NRXN3: variants seen among roughly 807,000 people sequenced by gnomAD.
NRXN3 encodes the protein neurexin III.
Under a neutral mutation model 137.6 loss-of-function variants are expected in NRXN3, and 32 were observed. The observed-to-expected ratio is 0.23, with a 90% CI of 0.18 to 0.31. The LOEUF (loss-of-function observed/expected upper bound fraction) is 0.31. Ranked by LOEUF, NRXN3 falls within the 10% of genes least tolerant of loss-of-function variation. NRXN3 has a pLI of 1.00. For missense variants in NRXN3, 1,574 were observed against 2,062.5 expected, an observed-to-expected ratio of 0.76 and a Z score of 4.59; for synonymous variants, 798 against 784.5, an observed-to-expected ratio of 1.02 and a Z score of -0.29.
At chr14:79,813,807 T>C (rs981541409) in intron 20 of NRXN3, among the ~76,000 whole-genome samples, 2 of 152,028 alleles carry the variant, frequency 1.3e-5, no homozygotes, top group African/African-American at 4.8e-5. Flanking sequence ...TTTATGACAA[T>C]GTAATTAATT....
chr14:79,101,937 A>C (rs1338722417), intron 15 of NRXN3, among the ~76,000 whole-genome samples: 1 of 152,130 alleles, frequency 6.6e-6, no homozygotes, highest in African/African-American at 2.4e-5. Context: ...GGACACACAC[A>C]GGGAAAAATG....
chr14:79,691,925 C>A (rs1435600170), intron 17 of NRXN3, among the ~76,000 whole-genome samples: 2 of 151,976 alleles, frequency 1.3e-5, no homozygotes, highest in Non-Finnish European at 2.9e-5. Context: ...CCGTAAACGG[C>A]CAGACCTCTT....
chr14:78,571,912 A>G (rs1041393075), intron 4 of NRXN3, among the ~76,000 whole-genome samples: 4 of 152,026 alleles, frequency 2.6e-5, no homozygotes, highest in Non-Finnish European at 5.9e-5. Flanking sequence ...AAGGGTTCAC[A>G]ACTAAATGCT....
chr14:79,344,893 A>G (rs1432232202), intron 15 of NRXN3, among the ~76,000 whole-genome samples: 1 of 152,164 alleles, frequency 6.6e-6, no homozygotes, highest in African/African-American at 2.4e-5. Context: ...CTGTGCTAAG[A>G]TTTTTATGGC....
intron 15 of NRXN3, among the ~76,000 whole-genome samples, chr14:79,044,632 A>G (rs2099630125): frequency 6.6e-6 from 1 of 152,124 alleles, no homozygotes; most frequent in Non-Finnish European, 1.5e-5. Flanking sequence ...TAATTAAGCC[A>G]GTGTTTACAT....
intron 20 of NRXN3, among the ~76,000 whole-genome samples, chr14:79,834,270 T>G: frequency 7.8e-6 from 1 of 128,428 alleles, no homozygotes; most frequent in East Asian, 2.4e-4. Flanking sequence ...TTACAAATGC[T>G]GGATTCCACC....
At chr14:78,476,131 T>C (rs187781624) in intron 4 of NRXN3, among the ~76,000 whole-genome samples, 3 of 152,344 alleles carry the variant, frequency 2.0e-5, no homozygotes, top group Non-Finnish European at 4.4e-5. Context: ...ACTGAGTGCT[T>C]ACTATGTGTC....
rs144978154 is a variant in NRXN3 at position 79,804,516 on chromosome 14, C to T, written c.4015-596C>T. On this transcript the variant is annotated intron_variant, in intron 19 of 20. Coordinates refer to ENST00000335750, the MANE Select transcript of NRXN3 (RefSeq NM_001330195.2). The stretch of plus-strand genomic sequence containing the variant: ...GTGTTCAGGGACTATTGTGTGGTAT[C>T]ATGCTACTGGTCTACATTACCAATT... Among the ~76,000 whole-genome samples, 9 of 152,268 alleles carry T rather than the reference C, an allele frequency of 5.9e-5. No homozygotes were observed. In the East Asian group the frequency reaches 1.5e-3, roughly 26 times the overall value.
chr14:79,063,025 G>A (rs1290671689), intron 15 of NRXN3, among the ~76,000 whole-genome samples: 1 of 152,126 alleles, frequency 6.6e-6, no homozygotes, highest in Non-Finnish European at 1.5e-5. Flanking sequence ...GTGAATGTTA[G>A]CAGTTTATCT....
intron 15 of NRXN3, among the ~76,000 whole-genome samples, chr14:79,306,086 A>ATCTTCT (rs2086010034): frequency 6.6e-6 from 1 of 152,098 alleles, no homozygotes; most frequent in Non-Finnish European, 1.5e-5. Flanking sequence ...GTTGACCGTA[A>ATCTTCT]GTTCTTCTCT....
At chr14:78,575,587 G>T (rs1452263699) in intron 4 of NRXN3, among the ~76,000 whole-genome samples, 2 of 152,148 alleles carry the variant, frequency 1.3e-5, no homozygotes, top group African/African-American at 4.8e-5. Context: ...ATTATTTTAG[G>T]TGCTAGGAAA....
intron 2 of NRXN3, among the ~76,000 whole-genome samples, chr14:78,262,276 G>A (rs1453351059): frequency 6.6e-6 from 1 of 152,154 alleles, no homozygotes; most frequent in Non-Finnish European, 1.5e-5. Context: ...AGACGGATGG[G>A]TGGAGGACTG....
intron 1 of NRXN3, among the ~76,000 whole-genome samples, chr14:78,192,898 A>C (rs1197051030): frequency 6.6e-6 from 1 of 152,144 alleles, no homozygotes; most frequent in East Asian, 1.9e-4. Context: ...TTCTCAACCT[A>C]CCCAACGCCT....
intron 15 of NRXN3, among the ~76,000 whole-genome samples, chr14:78,999,896 C>G (rs1194113020): frequency 6.6e-6 from 1 of 152,128 alleles, no homozygotes; most frequent in Non-Finnish European, 1.5e-5. Context: ...CTCTAGTGAT[C>G]GAGTGAGATA....
At position 78,807,815 on chromosome 14, in the gene NRXN3, TAAAAC is replaced by T. The variant is rs1388646480; in HGVS notation, c.2249-2493_2249-2489del. ...AAACTTTCTATCATTTACCATAATT[TAAAAC>T]AAAACAAAATTAAAACAGGCAACAC... On this transcript the variant is annotated intron_variant, in intron 9 of 20. Transcript: ENST00000335750. 5.3e-5 allele frequency among the ~76,000 whole-genome samples: 8 copies of T among 149,768 alleles called. No individual in the cohort carries two copies. The South Asian group carries it at 1.3e-3, about 24-fold the overall frequency.
intron 15 of NRXN3, among the ~76,000 whole-genome samples, chr14:79,040,749 A>G (rs1158991096): frequency 6.6e-6 from 1 of 152,136 alleles, no homozygotes; most frequent in Non-Finnish European, 1.5e-5. Flanking sequence ...TGGGTGTCTC[A>G]TGTGCATAAG....
At chr14:79,278,265 T>C (rs1451629630) in intron 15 of NRXN3, among the ~76,000 whole-genome samples, 2 of 152,148 alleles carry the variant, frequency 1.3e-5, no homozygotes, top group Non-Finnish European at 2.9e-5. Context: ...GAGTCAAAGC[T>C]AGCAAGACCT....
intron 4 of NRXN3, among the ~76,000 whole-genome samples, chr14:78,620,310 T>A (rs1159595602): frequency 6.6e-6 from 1 of 152,210 alleles, no homozygotes; most frequent in Non-Finnish European, 1.5e-5. Flanking sequence ...CTTTATGTAA[T>A]ATTTGGATAG....
chr14:79,788,766 T>C (rs1603502244), intron 19 of NRXN3, among the ~76,000 whole-genome samples: 1 of 152,166 alleles, frequency 6.6e-6, no homozygotes, highest in Non-Finnish European at 1.5e-5. Flanking sequence ...GTACTTTCAG[T>C]GTGATTCCAA....
Sources: gnomAD v4.1 joint callset for allele counts (sites outside exome capture counted in the v4.1 genomes callset) on GRCh38, gnomAD v4.1.1 for gene constraint, MANE v1.5 for transcripts, NCBI Gene and HGNC (gene_info 2026-07-23, HGNC 2026-07-21) for gene names.